The following LRP2 variants were observed in gnomAD, a reference collection of about 807,000 sequenced individuals.
LRP2 encodes the protein LDL receptor related protein 2.
LRP2 carries 172 observed loss-of-function variants against 531.0 expected under a neutral mutation model. The observed-to-expected ratio is 0.32, with a 90% confidence interval of 0.29 to 0.37. The LOEUF is 0.37. Among genes scored for constraint, LRP2 ranks in the 10% least tolerant of loss-of-function variants. The pLI, the probability that LRP2 is intolerant of heterozygous loss-of-function variation, is 1.00. For synonymous variants in LRP2, 1,992 were observed against 2,027.6 expected (o/e 0.98, Z 0.47); for missense variants, 5,167 against 5,868.3 (o/e 0.88, Z 3.90).
chr2:169,271,642 C>T, intron 15 of LRP2: 1 of 201,206 alleles, frequency 5.0e-6, no homozygotes, highest in Non-Finnish European at 6.8e-6. Context: ...CACACACACA[C>T]ACACACACAC....
chr2:169,333,691 T>C (rs867870354), intron 1 of LRP2, among the ~76,000 whole-genome samples: 3 of 152,168 alleles, frequency 2.0e-5, no homozygotes, highest in African/African-American at 7.2e-5. Context: ...GAAGGACCTA[T>C]TATATTTGCA....
chr2:169,184,998 C>T (rs913812524), intron 50 of LRP2, among the ~76,000 whole-genome samples: 7 of 152,042 alleles, frequency 4.6e-5, no homozygotes, highest in East Asian at 1.9e-4. Context: ...TGGGCTCAAG[C>T]GATCCTCTCA....
At position 169,220,367 on chromosome 2, in the gene LRP2, TA is replaced by T. The variant is rs1263447418; in HGVS notation, c.5648+86del. On this transcript the variant is annotated intron_variant, in intron 34 of 78. Transcript: ENST00000649046. ...TGACATATGAAATCAGAAGATGTCC[TA>T]AATTTGAAATCTTCCATTTTGTCAG... The T allele has an allele frequency of 3.4e-5, 33 of 983,748 alleles. No individual in the cohort carries two copies. In the Admixed American group the frequency reaches 4.5e-4, roughly 13 times the overall value. 60.9% of individuals were successfully genotyped at this position (983,748 alleles called of 1,614,324 possible).
Position 169,170,425 on chromosome 2 carries a change from G to A in LRP2, c.11380+126C>T, listed in dbSNP as rs1574092519. 1.1e-5 allele frequency: 9 copies of A among 786,316 alleles called. No homozygotes were observed. In the East Asian group the frequency reaches 2.2e-4, roughly 19 times the overall value. The allele number at this position is 786,316 out of a possible 1,614,324, so 48.7% of individuals were successfully genotyped here. The stretch of plus-strand genomic sequence containing the variant: ...TACAGAGCAGAAGATACTGTGTTAT[G>A]CTAAGGTTTACATATTACACATATA... On this transcript the variant is annotated intron_variant, in intron 59 of 78. Coordinates refer to ENST00000649046, the MANE Select transcript of LRP2 (RefSeq NM_004525.3).
chr2:169,232,560 G>GAGA (rs1689448012), intron 30 of LRP2, among the ~76,000 whole-genome samples: 1 of 151,600 alleles, frequency 6.6e-6, no homozygotes, highest in African/African-American at 2.4e-5. Context: ...AGAGAGAGAG[G>GAGA]TTTCAGAACA....
intron 47 of LRP2, among the ~76,000 whole-genome samples, chr2:169,192,806 G>A (rs1408394484): frequency 6.6e-6 from 1 of 152,178 alleles, no homozygotes; most frequent in Non-Finnish European, 1.5e-5. Context: ...ATCCATGTAT[G>A]TGTAGCTGAA....
At position 169,279,512 on chromosome 2, in the gene LRP2, G is replaced by A. The variant is rs186484839; in HGVS notation, c.1425C>T (p.Asp475=). ...CTAGATAGATTTTATTATTAACCCA[G>A]TCCACAGCCAGGTTCTCTGGGGTTT... ...SVETPENLAV[D]WVNNKIYLVE... Residue 475 remains aspartate, a synonymous_variant, in exon 12 of 79, where the codon GAC becomes GAT. Coordinates refer to ENST00000649046, the MANE Select transcript of LRP2 (RefSeq NM_004525.3). The A allele has an allele frequency of 7.4e-5, 119 of 1,613,748 alleles. No individual in the cohort carries two copies. In the East Asian group the frequency reaches 2.3e-3, roughly 31 times the overall value.
intron 16 of LRP2, among the ~76,000 whole-genome samples, chr2:169,263,453 C>G (rs2105421249): frequency 6.6e-6 from 1 of 151,418 alleles, no homozygotes; most frequent in Middle Eastern, 3.4e-3. Context: ...ACAGACACTT[C>G]TCAAAAGAAG....
rs1689949745 is a variant in LRP2 at position 169,244,947 on chromosome 2, A to C, written c.3191-15T>G. On this transcript the variant is annotated splice_polypyrimidine_tract_variant and intron_variant, in intron 21 of 78. Coordinates refer to ENST00000649046, the MANE Select transcript of LRP2 (RefSeq NM_004525.3). ...ACAGGTATTATCTACAATAGTAACA[A>C]ACTGGTCATGAAGACATTTGTTTTT... is the stretch of plus-strand genomic sequence containing the variant. 1.2e-6 allele frequency: 2 copies of C among 1,614,016 alleles called. No homozygotes were observed. The highest frequency in any genetic ancestry group is 1.7e-6 in the Non-Finnish European group (2 of 1,179,980).
chr2:169,267,414 C>G (rs1345926294), intron 16 of LRP2, among the ~76,000 whole-genome samples: 1 of 152,060 alleles, frequency 6.6e-6, no homozygotes. Flanking sequence ...TCTCTCAGAC[C>G]ACAAGGCAAT....
At chr2:169,233,026 T>C (rs937177612) in intron 30 of LRP2, among the ~76,000 whole-genome samples, 17 of 152,170 alleles carry the variant, frequency 1.1e-4, no homozygotes, top group African/African-American at 2.9e-4. Context: ...TAGAAGGCAG[T>C]GGTGCCATAA....
chr2:169,167,682 A>G (rs962428111), intron 61 of LRP2, among the ~76,000 whole-genome samples: 17 of 152,084 alleles, frequency 1.1e-4, no homozygotes, highest in Admixed American at 4.6e-4. Flanking sequence ...CATTTCTAAC[A>G]TATTCCCAAG....
chr2:169,243,064 A>T lies in LRP2; in HGVS notation c.3559T>A (p.Cys1187Ser). ...GSDEVGCVLN[C>S]TASQFKCASG... ...GCACACTTGAATTGAGAAGCAGTAC[A>T]GTTTAATACTAAGAATGAAAGAGAA... is the stretch of plus-strand genomic sequence containing the variant. The change falls in exon 24 of 79, where the codon TGT becomes AGT. Residue 1187 changes from cysteine to serine, a missense_variant. Physicochemically the swap from Cys to Ser is moderately radical, Grantham distance 112. This residue lies in a region of LRP2 where 2,811 missense variants were observed against 3,058.0 expected (regional missense o/e 0.92). Coordinates refer to ENST00000649046, the MANE Select transcript of LRP2 (RefSeq NM_004525.3). 6.2e-7 allele frequency: 1 copy of T among 1,607,082 alleles called. No homozygotes were observed.
At chr2:169,315,273 T>C (rs1358071944) in intron 3 of LRP2, among the ~76,000 whole-genome samples, 1 of 152,196 alleles carries the variant, frequency 6.6e-6, no homozygotes, top group East Asian at 1.9e-4. Context: ...AAGCTCATAG[T>C]CTTCTAGGGG....
chr2:169,246,808 A>G lies in LRP2; in HGVS notation c.3087T>C (p.Phe1029=). Reference sequence around the variant, plus strand: ...ATCTGCCATTTTTACAGGGGAAGGAAAATAAGCCACACTGCTCTGTGGGTG... The same window carrying G: ...ATCTGCCATTTTTACAGGGGAAGGAGAATAAGCCACACTGCTCTGTGGGTG... ...NEPPTEQCGL[F]SFPCKNGRCV... is the part of the protein sequence containing the mutation. Residue 1029 remains phenylalanine (F), a synonymous_variant, in exon 21 of 79, where the codon TTT becomes TTC. Coordinates refer to ENST00000649046, the MANE Select transcript of LRP2 (RefSeq NM_004525.3). 1 of 1,614,168 alleles carries G rather than the reference A, an allele frequency of 6.2e-7. No homozygotes were observed. The highest frequency in any genetic ancestry group is 2.2e-5 in the East Asian group (1 of 44,878).
At chr2:169,329,098 AAACT>A (rs1239292126) in intron 1 of LRP2, among the ~76,000 whole-genome samples, 1 of 152,232 alleles carries the variant, frequency 6.6e-6, no homozygotes, top group East Asian at 1.9e-4. Context: ...GAGATAATAA[AAACT>A]AACTGACTTT....
chr2:169,358,786 A>C (rs1231393756), intron 1 of LRP2, among the ~76,000 whole-genome samples: 1 of 151,902 alleles, frequency 6.6e-6, no homozygotes, highest in Admixed American at 6.6e-5. Context: ...TGAGGCCAAG[A>C]GTTCAAGACC....
intron 10 of LRP2, among the ~76,000 whole-genome samples, chr2:169,282,192 T>G (rs1479982673): frequency 6.6e-6 from 1 of 152,236 alleles, no homozygotes; most frequent in East Asian, 1.9e-4. Flanking sequence ...AGCAGTTAAG[T>G]TTCAGAAGAC....
rs1687160152 is a variant in LRP2 at position 169,175,537 on chromosome 2, T to C, written c.10572-148A>G. Reference sequence around the variant, plus strand: ...AGGATCAATTAAATCTCAGTTACAATGGTGTATTTTCAGAGAAAACATAAC... The same window carrying C: ...AGGATCAATTAAATCTCAGTTACAACGGTGTATTTTCAGAGAAAACATAAC... On this transcript the variant is annotated intron_variant, in intron 54 of 78. Transcript: ENST00000649046. The C allele has an allele frequency of 4.2e-6, 3 of 719,390 alleles. No individual in the cohort carries two copies. The East Asian group carries it at 8.1e-5, about 19-fold the overall frequency. The allele number at this position is 719,390 out of a possible 1,614,324, so 44.6% of individuals were successfully genotyped here. A position where few individuals can be genotyped will look rare whatever the true frequency, so the allele number is the denominator to read the frequency against.
Sources: gnomAD v4.1 joint callset for allele counts (sites outside exome capture counted in the v4.1 genomes callset) on GRCh38, gnomAD v4.1.1 for gene constraint, gnomAD v4.1.1 regional missense constraint, MANE v1.5 for transcripts, NCBI Gene and HGNC (gene_info 2026-07-23, HGNC 2026-07-21) for gene names.